ELF2: variants seen among roughly 807,000 people sequenced by gnomAD.
ELF2 encodes the protein ETS-related transcription factor Elf-2.
In ELF2, 11 loss-of-function variants were observed where a neutral mutation model predicts 54.8. The observed-to-expected ratio is 0.20, with a 90% CI of 0.13 to 0.33. The LOEUF is 0.33. Among genes scored for constraint, ELF2 ranks in the 10% least tolerant of loss-of-function variants. The pLI, the probability that ELF2 is intolerant of heterozygous loss-of-function variation, is 1.00. For missense variants in ELF2, 513 were observed against 703.0 expected (o/e 0.73, Z 3.06); for synonymous variants, 203 against 245.1 (o/e 0.83, Z 1.61).
At chr4:139,133,537 C>T (rs1737769990) in intron 3 of ELF2, among the ~76,000 whole-genome samples, 1 of 152,152 alleles carries the variant, frequency 6.6e-6, no homozygotes, top group Non-Finnish European at 1.5e-5. Context: ...AATCCATAAA[C>T]TTGGTACATC....
At chr4:139,145,818 A>G (rs1239576604) in intron 1 of ELF2, among the ~76,000 whole-genome samples, 1 of 152,206 alleles carries the variant, frequency 6.6e-6, no homozygotes, top group Admixed American at 6.5e-5. Context: ...TGCAGAAAAA[A>G]CATTCAATAA....
At chr4:139,065,705 G>A (rs1728594156) in intron 7 of ELF2, among the ~76,000 whole-genome samples, 1 of 152,130 alleles carries the variant, frequency 6.6e-6, no homozygotes, top group Non-Finnish European at 1.5e-5. Flanking sequence ...ATTGTAATGA[G>A]ATGTGATTTT....
At chr4:139,075,811 TTAA>T (rs1224652164) in intron 4 of ELF2, among the ~76,000 whole-genome samples, 1 of 152,186 alleles carries the variant, frequency 6.6e-6, no homozygotes, top group African/African-American at 2.4e-5. Context: ...TTTTATTATC[TTAA>T]TAATATATTA....
rs747418422 is a variant in ELF2, at chr4:139,059,404, ATGG to A, written c.1358_1360del (p.Thr453del). ...GATGGTAATAATTTTGGCAGGCTGC[ATGG>A]TGATTTTGTCTCCATTTTCAGTAGA... is the stretch of plus-strand genomic sequence containing the variant. On this transcript the variant is annotated inframe_deletion, in exon 10 of 10. Coordinates refer to ENST00000686138, the MANE Select transcript of ELF2 (RefSeq NM_001331036.3). The A allele has an allele frequency of 5.6e-6, 9 of 1,613,988 alleles. No individual in the cohort carries two copies. In the South Asian group the frequency reaches 8.8e-5, roughly 16 times the overall value.
At chr4:139,083,983 T>C in intron 4 of ELF2, 1 of 1,316,972 alleles carries the variant, frequency 7.6e-7, no homozygotes, top group Non-Finnish European at 1.0e-6. Flanking sequence ...CATTACTTCA[T>C]TCACTCCCCC....
At chr4:139,101,772 T>C (rs761304398) in intron 4 of ELF2, 7 of 152,160 alleles carry the variant, frequency 4.6e-5, no homozygotes, top group African/African-American at 1.4e-4. Flanking sequence ...TCCCAGAACA[T>C]AGGCCTTCAG....
intron 4 of ELF2, among the ~76,000 whole-genome samples, chr4:139,105,583 G>A (rs1292637953): frequency 6.6e-6 from 1 of 152,166 alleles, no homozygotes; most frequent in East Asian, 1.9e-4. Context: ...TAGGGATAAT[G>A]ATTGTCAAAA....
At chr4:139,167,262 A>G (rs1395868960) in intron 1 of ELF2, among the ~76,000 whole-genome samples, 1 of 152,206 alleles carries the variant, frequency 6.6e-6, no homozygotes, top group African/African-American at 2.4e-5. Flanking sequence ...ATGTGCACAC[A>G]ATGTCTGGGT....
intron 3 of ELF2, 111 bp downstream of exon 3, chr4:139,137,519 T>G: frequency 1.8e-6 from 2 of 1,091,648 alleles, no homozygotes; most frequent in Non-Finnish European, 2.7e-6. Flanking sequence ...CATGTATAAT[T>G]TCATGCTTTG....
At chr4:139,071,345 TGA>T (rs1348409961) in intron 6 of ELF2, among the ~76,000 whole-genome samples, 1 of 152,000 alleles carries the variant, frequency 6.6e-6, no homozygotes, top group African/African-American at 2.4e-5. Context: ...TTAGGTTTTT[TGA>T]GATAGGGTCT....
Position 139,114,959 on chromosome 4 carries a change from G to A in ELF2, c.238+10205C>T, listed in dbSNP as rs938937924. ...TTCTTCTGGGGTGTGCTCAGCTTCT[G>A]CATGCCCCGGATCTTGTCCAGCAGA... On this transcript the variant is annotated intron_variant, in intron 4 of 9. Transcript: ENST00000686138. 4 of 1,613,432 alleles carry A rather than the reference G, an allele frequency of 2.5e-6. No homozygotes were observed. In the African/African-American group the frequency reaches 5.3e-5, roughly 22 times the overall value.
chr4:139,083,982 A>C (rs1731573672), intron 4 of ELF2: 6 of 1,310,280 alleles, frequency 4.6e-6, no homozygotes, highest in Non-Finnish European at 6.3e-6. Context: ...CCATTACTTC[A>C]TTCACTCCCC....
chr4:139,059,695 A>C (rs1265931253), intron 9 of ELF2, 88 bp from the exon 10 acceptor site: 10 of 1,481,120 alleles, frequency 6.8e-6, no homozygotes, highest in Non-Finnish European at 8.1e-6. Context: ...ACAAATCCAA[A>C]ATGTGTAAAA....
At chr4:139,151,055 A>AG (rs1491209468) in intron 1 of ELF2, among the ~76,000 whole-genome samples, 2 of 103,510 alleles carry the variant, frequency 1.9e-5, no homozygotes, top group African/African-American at 6.1e-5. Context: ...AAAGAAAGAA[A>AG]GAAAGAAAGA....
At chr4:139,089,628 C>T (rs1732375109) in intron 4 of ELF2, among the ~76,000 whole-genome samples, 1 of 152,092 alleles carries the variant, frequency 6.6e-6, no homozygotes, top group South Asian at 2.1e-4. Flanking sequence ...CTATATATGC[C>T]ATTCTAAAAT....
At chr4:139,080,183 C>CTATT (rs1730901771) in intron 4 of ELF2, among the ~76,000 whole-genome samples, 1 of 152,148 alleles carries the variant, frequency 6.6e-6, no homozygotes, top group African/African-American at 2.4e-5. Flanking sequence ...TTCTGATTGG[C>CTATT]TATTTACACA....
intron 3 of ELF2, among the ~76,000 whole-genome samples, chr4:139,132,698 G>A (rs1560848076): frequency 6.6e-6 from 1 of 151,786 alleles, no homozygotes. Flanking sequence ...TGGCGGTAAT[G>A]CTCCTATGAA....
At chr4:139,132,880 T>C (rs1020072784) in intron 3 of ELF2, among the ~76,000 whole-genome samples, 11 of 140,014 alleles carry the variant, frequency 7.9e-5, no homozygotes, top group Non-Finnish European at 1.5e-4. Flanking sequence ...ATATAAAATA[T>C]GTAATTTTTT....
At chr4:139,119,932 C>G (rs1436856567) in intron 4 of ELF2, among the ~76,000 whole-genome samples, 1 of 152,086 alleles carries the variant, frequency 6.6e-6, no homozygotes, top group Non-Finnish European at 1.5e-5. Flanking sequence ...CACCACCACA[C>G]CCAGCTAATT....
Sources: allele counts gnomAD v4.1 joint callset (sites outside exome capture counted in the v4.1 genomes callset), GRCh38; gene constraint gnomAD v4.1.1; transcripts MANE v1.5; gene names NCBI Gene and HGNC (gene_info 2026-07-23, HGNC 2026-07-21).